Variants in UPP2 observed in about 807,000 individuals in gnomAD.
UPP2 encodes UPase 2.
A neutral mutation model predicts 26.7 loss-of-function variants in UPP2; 23 were observed. That is an observed-to-expected ratio of 0.86 (90% confidence interval 0.62 to 1.22). The LOEUF (loss-of-function observed/expected upper bound fraction) is 1.22, where lower values mean the gene tolerates loss of function less well. Among genes scored for constraint, UPP2 ranks in the 50% most tolerant of loss-of-function variants. The pLI, the probability that UPP2 is intolerant of heterozygous loss-of-function variation, is 0.00. For synonymous variants in UPP2, 127 were observed against 141.3 expected, an observed-to-expected ratio of 0.90 and a Z score of 0.72; for missense variants, 387 against 396.7, an observed-to-expected ratio of 0.98 and a Z score of 0.21.
intron 3 of UPP2, among the ~76,000 whole-genome samples, chr2:158,033,648 C>A (rs1683958575): frequency 6.6e-6 from 1 of 152,068 alleles, no homozygotes; most frequent in Admixed American, 6.6e-5. Context: ...CTAACTAGTT[C>A]TATGCAAGAT....
At chr2:158,106,711 A>C (rs1343791112) in intron 2 of UPP2, among the ~76,000 whole-genome samples, 8 of 152,198 alleles carry the variant, frequency 5.3e-5, no homozygotes, top group Non-Finnish European at 1.2e-4. Context: ...TATTTATTAA[A>C]TACTACCATA....
chr2:158,113,415 A>G (rs1177633051), intron 2 of UPP2, among the ~76,000 whole-genome samples: 1 of 152,226 alleles, frequency 6.6e-6, no homozygotes, highest in African/African-American at 2.4e-5. Flanking sequence ...TTTAAAACTC[A>G]CCTGAAACCA....
intron 3 of UPP2, among the ~76,000 whole-genome samples, chr2:158,059,092 G>A (rs1440748547): frequency 6.6e-6 from 1 of 152,150 alleles, no homozygotes; most frequent in Non-Finnish European, 1.5e-5. Flanking sequence ...CCATTGAGGA[G>A]GTCTTCAAGA....
Position 158,111,372 on chromosome 2 carries a change from C to T in UPP2, c.181-3729C>T, listed in dbSNP as rs60408111. 2.5e-3 allele frequency among the ~76,000 whole-genome samples: 373 copies of T among 152,200 alleles called. 1 individual carries two copies. The highest frequency in any genetic ancestry group is 8.4e-3 in the African/African-American group (348 of 41,536). On this transcript the variant is annotated intron_variant, in intron 2 of 6. Coordinates refer to ENST00000005756, the MANE Select transcript of UPP2 (RefSeq NM_173355.4). ...TCTGTCTCTGGTAATTTTCTTTGCTCTGAAGCCTATTTTGATATTAATATA... is the reference window on the plus strand; with the variant it reads ...TCTGTCTCTGGTAATTTTCTTTGCTTTGAAGCCTATTTTGATATTAATATA...
At chr2:158,003,840 A>G (rs1683446749) in intron 2 of UPP2, among the ~76,000 whole-genome samples, 1 of 152,190 alleles carries the variant, frequency 6.6e-6, no homozygotes, top group African/African-American at 2.4e-5. Context: ...TAAAATGTAC[A>G]CATGTATATG....
upstream of UPP2, among the ~76,000 whole-genome samples, chr2:158,099,751 C>T (rs1188098797): frequency 6.6e-6 from 1 of 152,084 alleles, no homozygotes; most frequent in Non-Finnish European, 1.5e-5. Flanking sequence ...AAAATTAAGC[C>T]AGATAGAAAA....
At chr2:158,046,957 AT>A (rs1468131285) in intron 3 of UPP2, among the ~76,000 whole-genome samples, 1 of 152,208 alleles carries the variant, frequency 6.6e-6, no homozygotes, top group East Asian at 1.9e-4. Context: ...AAGAATTTAA[AT>A]ATATTAAAAG....
rs116267876 is a variant in UPP2 at position 157,997,151 on chromosome 2, T to C, written c.61+1892T>C. Among the ~76,000 whole-genome samples, 482 of 152,310 alleles carry C rather than the reference T, an allele frequency of 3.2e-3. 5 individuals are homozygous for C. The highest frequency in any genetic ancestry group is 0.011 in the African/African-American group (451 of 41,562). On this transcript the variant is annotated intron_variant, in intron 2 of 9. Transcript: ENST00000605860. The stretch of plus-strand genomic sequence containing the variant: ...AACATCAGGGAACTGCTTGTCTGAT[T>C]ATTAGATCAAATAAGAGGATGAACT...
chr2:158,047,685 C>T (rs1044324543), intron 3 of UPP2, among the ~76,000 whole-genome samples: 1 of 152,116 alleles, frequency 6.6e-6, no homozygotes, highest in African/African-American at 2.4e-5. Flanking sequence ...ATGATAGAGC[C>T]AAATTATAAA....
chr2:158,054,666 C>T (rs1682219239), intron 3 of UPP2, among the ~76,000 whole-genome samples: 1 of 152,060 alleles, frequency 6.6e-6, no homozygotes, highest in South Asian at 2.1e-4. Flanking sequence ...TTTTTCACTG[C>T]CTTTTCCAGA....
chr2:158,087,937 T>G lies in UPP2; in HGVS notation c.148-14103T>G, dbSNP rs576877608. 3.7e-4 allele frequency among the ~76,000 whole-genome samples: 56 copies of G among 152,322 alleles called. No homozygotes were observed. In the Middle Eastern group the frequency reaches 0.014, roughly 37 times the overall value. On this transcript the variant is annotated intron_variant, in intron 3 of 9. Coordinates refer to the UPP2 transcript ENST00000605860. ...TTAAGATTCTTTCCTTCATCTTGAC[T>G]TTAGAAAACCTGATGACTATGCTGA... is the stretch of plus-strand genomic sequence containing the variant.
intron 3 of UPP2, among the ~76,000 whole-genome samples, chr2:158,090,543 C>A (rs565530575): frequency 1.3e-5 from 2 of 152,080 alleles, no homozygotes; most frequent in African/African-American, 4.8e-5. Flanking sequence ...ACAAACAAAC[C>A]AAATGTATCT....
intron 3 of UPP2, among the ~76,000 whole-genome samples, chr2:158,065,292 C>T (rs1360912744): frequency 1.3e-5 from 2 of 152,176 alleles, no homozygotes; most frequent in Non-Finnish European, 2.9e-5. Context: ...GGGCATTTTA[C>T]AAGAGTTCTG....
chr2:158,085,309 G>T (rs549616518), intron 3 of UPP2, among the ~76,000 whole-genome samples: 2 of 152,128 alleles, frequency 1.3e-5, no homozygotes, highest in African/African-American at 4.8e-5. Flanking sequence ...CTTGGTTGCT[G>T]TTGGTGTATA....
chr2:158,035,915 T>C (rs1222106699), intron 3 of UPP2, among the ~76,000 whole-genome samples: 2 of 152,220 alleles, frequency 1.3e-5, no homozygotes, highest in African/African-American at 4.8e-5. Context: ...AGGAAGTTGA[T>C]TTTCACGTTA....
intron 3 of UPP2, among the ~76,000 whole-genome samples, chr2:158,089,104 G>A (rs1227592167): frequency 6.6e-6 from 1 of 152,238 alleles, no homozygotes; most frequent in Non-Finnish European, 1.5e-5. Flanking sequence ...ACCATCAGGT[G>A]GGGGCAGGGT....
chr2:158,023,182 G>A (rs951001317), intron 3 of UPP2, among the ~76,000 whole-genome samples: 6 of 140,040 alleles, frequency 4.3e-5, no homozygotes, highest in African/African-American at 1.5e-4. Context: ...TTGGAGAATA[G>A]TGCATGAGGA....
intron 2 of UPP2, among the ~76,000 whole-genome samples, chr2:158,006,408 C>G (rs1024313427): frequency 1.4e-5 from 2 of 148,000 alleles, no homozygotes; most frequent in East Asian, 4.1e-4. Context: ...GGCGGAGCCT[C>G]GGCTCTTGCA....
chr2:158,119,466 G>T (rs2105225778), intron 4 of UPP2, among the ~76,000 whole-genome samples: 1 of 152,106 alleles, frequency 6.6e-6, no homozygotes, highest in East Asian at 1.9e-4. Context: ...GGAGATGAAA[G>T]ATGTACACAG....
Sources: gnomAD v4.1 joint callset for allele counts (sites outside exome capture counted in the v4.1 genomes callset) on GRCh38, gnomAD v4.1.1 for gene constraint, MANE v1.5 for transcripts, NCBI Gene and HGNC (gene_info 2026-07-23, HGNC 2026-07-21) for gene names.